Variants in PLEKHG7 observed in about 807,000 individuals in gnomAD.
PLEKHG7 encodes pleckstrin homology domain-containing family G member 7.
Under a neutral mutation model 85.2 loss-of-function variants are expected in PLEKHG7, and 77 were observed. That is an observed-to-expected ratio of 0.90 (90% CI 0.75 to 1.09). The LOEUF is 1.09. Among genes scored for constraint, PLEKHG7 ranks in the 50% least tolerant of loss-of-function variants. The pLI is 0.00. For missense variants in PLEKHG7, 777 were observed against 804.3 expected, an observed-to-expected ratio of 0.97 and a Z score of 0.41; for synonymous variants, 301 against 302.4, an observed-to-expected ratio of 1.00 and a Z score of 0.05.
At chr12:92,756,498 GT>G in intron 13 of PLEKHG7, 107 bp downstream of exon 13, 2 of 850,450 alleles carry the variant, frequency 2.4e-6, no homozygotes, top group Non-Finnish European at 2.0e-6. Flanking sequence ...TATGTTCCAG[GT>G]GATGGAGGGT....
intron 3 of PLEKHG7, chr12:92,708,370 G>A (rs1158292173): frequency 2.0e-5 from 3 of 152,324 alleles, no homozygotes; most frequent in Non-Finnish European, 4.4e-5. Flanking sequence ...TCAAGCAATA[G>A]TTTGATATTC....
Position 92,770,247 on chromosome 12 carries a change from A to C in PLEKHG7, c.*52A>C. ...TTAGAAGATTATGGTTTAAGGTATA[A>C]TTTCATTCAAAGTTTTGTAACACTT... On this transcript the variant is annotated 3_prime_UTR_variant, in exon 17 of 17. Transcript: ENST00000344636. The C allele has an allele frequency of 1.5e-6, 2 of 1,322,552 alleles. No homozygotes were observed. Among genetic ancestry groups the C allele is most frequent in the Non-Finnish European group, 2.1e-6 (2 of 944,186 alleles). 81.9% of individuals were successfully genotyped at this position (1,322,552 alleles called of 1,614,324 possible).
chr12:92,706,021 C>T (rs1454583655), intron 1 of PLEKHG7, among the ~76,000 whole-genome samples: 1 of 152,228 alleles, frequency 6.6e-6, no homozygotes. Context: ...AAGCCTGTCT[C>T]ATTCTGTAAT....
intron 14 of PLEKHG7, among the ~76,000 whole-genome samples, chr12:92,762,397 C>T (rs1873062232): frequency 1.3e-5 from 2 of 152,166 alleles, no homozygotes; most frequent in African/African-American, 2.4e-5. Context: ...AGAAGCCAAA[C>T]ATGTATGTAG....
intron 5 of PLEKHG7, among the ~76,000 whole-genome samples, chr12:92,734,015 A>T (rs1872066755): frequency 1.3e-5 from 2 of 152,232 alleles, no homozygotes; most frequent in Non-Finnish European, 2.9e-5. Context: ...AGGGAGATAC[A>T]CAAAGGAAGA....
chr12:92,725,509 G>A (rs1871768274), intron 3 of PLEKHG7, among the ~76,000 whole-genome samples: 1 of 152,196 alleles, frequency 6.6e-6, no homozygotes, highest in African/African-American at 2.4e-5. Context: ...AATACAATTG[G>A]AAGATGTTGA....
chr12:92,738,931 A>G (rs1872265073), intron 7 of PLEKHG7, among the ~76,000 whole-genome samples: 1 of 152,258 alleles, frequency 6.6e-6, no homozygotes, highest in Admixed American at 6.5e-5. Context: ...TAGGATGCTT[A>G]CAAGAGCACG....
intron 3 of PLEKHG7, among the ~76,000 whole-genome samples, chr12:92,718,095 T>C (rs1044567219): frequency 6.6e-6 from 1 of 152,214 alleles, no homozygotes; most frequent in African/African-American, 2.4e-5. Context: ...CAGGCTTTTA[T>C]TTAAAACCCC....
intron 16 of PLEKHG7, 110 bp downstream of exon 16, chr12:92,769,190 T>C (rs896830565): frequency 7.2e-5 from 56 of 773,310 alleles, no homozygotes; most frequent in Non-Finnish European, 1.0e-4. Flanking sequence ...TCTCACCCAC[T>C]TGGGAAGGGC....
chr12:92,734,008 G>C (rs114165585), intron 5 of PLEKHG7, among the ~76,000 whole-genome samples: 37 of 152,302 alleles, frequency 2.4e-4, no homozygotes, highest in African/African-American at 8.9e-4. Flanking sequence ...AGCAATGAGG[G>C]AGATACACAA....
At chr12:92,707,221 G>C in intron 2 of PLEKHG7, 83 bp downstream of exon 2, 1 of 1,493,816 alleles carries the variant, frequency 6.7e-7, no homozygotes, top group Non-Finnish European at 8.9e-7. Context: ...TTCCCCCAAG[G>C]GCCAGTAGAT....
intron 3 of PLEKHG7, among the ~76,000 whole-genome samples, chr12:92,709,162 A>G (rs559862008): frequency 6.6e-6 from 1 of 152,356 alleles, no homozygotes; most frequent in South Asian, 2.1e-4. Flanking sequence ...GACTTGAGTC[A>G]AATAATTCGA....
At position 92,706,660 on chromosome 12, in the gene PLEKHG7, A is replaced by G; in HGVS notation, c.29A>G (p.Glu10Gly). The change falls in exon 2 of 17, where the codon GAG becomes GGG. Residue 10 changes from glutamate to glycine, a missense_variant. Physicochemically the swap from Glu to Gly is moderately conservative, Grantham distance 98 (BLOSUM62 -2). This residue lies in a region of PLEKHG7 where 252 missense variants were observed against 241.9 expected (regional missense o/e 1.04). Transcript: ENST00000344636. MEKTESFCPEVPPQDCGASP... is the reference protein window; with the variant it reads MEKTESFCPGVPPQDCGASP... ...GAGAAAACAGAGTCATTCTGTCCAG[A>G]GGTGCCACCCCAAGACTGTGGAGCC... 1.2e-6 allele frequency: 2 copies of G among 1,613,750 alleles called. No individual in the cohort carries two copies. The highest frequency in any genetic ancestry group is 2.2e-5 in the East Asian group (1 of 44,878).
intron 9 of PLEKHG7, among the ~76,000 whole-genome samples, chr12:92,743,134 C>T (rs1232261259): frequency 6.6e-6 from 1 of 152,168 alleles, no homozygotes; most frequent in African/African-American, 2.4e-5. Context: ...GTTCATGTCT[C>T]ACTATGCTCT....
chr12:92,737,431 A>G lies in PLEKHG7; in HGVS notation c.849A>G (p.Gln283=), dbSNP rs1384011942. ...LETHHKLPTD[Q]LDLKKQQEAV... ...CACATCACAAACTCCCGACCGATCA[A>G]TTAGACCTGAAAAAGCAGCAAGAGG... Residue 283 remains glutamine, a synonymous_variant, in exon 7 of 17, where the codon CAA becomes CAG. Coordinates refer to ENST00000344636, the MANE Select transcript of PLEKHG7 (RefSeq NM_001377329.1). The G allele has an allele frequency of 3.1e-5, 49 of 1,582,308 alleles. No homozygotes were observed. Among genetic ancestry groups the G allele is most frequent in the East Asian group, 1.4e-4 (6 of 44,078 alleles).
intron 3 of PLEKHG7, among the ~76,000 whole-genome samples, chr12:92,723,108 CATGGAGGCGTA>C (rs1174296363): frequency 2.6e-5 from 4 of 152,180 alleles, no homozygotes; most frequent in African/African-American, 9.7e-5. Context: ...TGAGCCAAGG[CATGGAGGCGTA>C]AAGTGCACAG....
intron 3 of PLEKHG7, chr12:92,708,007 C>T (rs1049962093): frequency 4.5e-5 from 15 of 337,000 alleles, no homozygotes; most frequent in Non-Finnish European, 8.1e-5. Flanking sequence ...AGATATGCAA[C>T]AGCTTTTCAA....
chr12:92,752,074 C>A (rs187452082), intron 10 of PLEKHG7, among the ~76,000 whole-genome samples: 279 of 151,640 alleles, frequency 1.8e-3, no homozygotes, highest in African/African-American at 6.3e-3. Context: ...GAGACCCCAC[C>A]TCACCCCACC....
chr12:92,738,799 A>G (rs937476554), intron 7 of PLEKHG7, among the ~76,000 whole-genome samples: 5 of 152,226 alleles, frequency 3.3e-5, no homozygotes, highest in African/African-American at 1.2e-4. Flanking sequence ...GTGCTATACA[A>G]ATGTCAGTTA....
Sources: allele counts gnomAD v4.1 joint callset (sites outside exome capture counted in the v4.1 genomes callset), GRCh38; gene constraint gnomAD v4.1.1; regional missense constraint gnomAD v4.1.1; transcripts MANE v1.5; gene names NCBI Gene and HGNC (gene_info 2026-07-23, HGNC 2026-07-21).